Variants in DOCK4 observed in about 807,000 individuals in gnomAD.
The protein encoded by DOCK4 is dedicator of cytokinesis 4.
A neutral mutation model predicts 268.1 loss-of-function variants in DOCK4; 97 were observed. That is an observed-to-expected ratio of 0.36 (90% CI 0.31 to 0.43). DOCK4 has a LOEUF of 0.43. Among genes scored for constraint, DOCK4 ranks in the 20% least tolerant of loss-of-function variants. The probability of loss-of-function intolerance (pLI) is 1.00; values close to 1 mark genes in which losing one functional copy is unlikely to be tolerated. For synonymous variants in DOCK4, 954 were observed against 887.2 expected (o/e 1.08, Z -1.34); for missense variants, 2,145 against 2,455.7 (o/e 0.87, Z 2.67).
At chr7:112,193,144 G>C (rs1225145780) in intron 1 of DOCK4, among the ~76,000 whole-genome samples, 1 of 152,062 alleles carries the variant, frequency 6.6e-6, no homozygotes, top group African/African-American at 2.4e-5. Context: ...AAAAACTGTA[G>C]CAAAAAGAAA....
intron 25 of DOCK4, among the ~76,000 whole-genome samples, chr7:111,836,411 C>A (rs553481810): frequency 6.6e-6 from 1 of 152,000 alleles, no homozygotes; most frequent in South Asian, 2.1e-4. Context: ...TAGCAAAGCT[C>A]AGATATTTTT....
chr7:112,172,129 G>T (rs1437398222), intron 1 of DOCK4, among the ~76,000 whole-genome samples: 1 of 152,156 alleles, frequency 6.6e-6, no homozygotes, highest in East Asian at 1.9e-4. Context: ...TGAATTAGGG[G>T]TGAAGAGACA....
intron 26 of DOCK4, among the ~76,000 whole-genome samples, chr7:111,825,109 G>T (rs1802294318): frequency 6.6e-6 from 1 of 151,998 alleles, no homozygotes; most frequent in Non-Finnish European, 1.5e-5. Flanking sequence ...AAATGTGGGG[G>T]CTTTGAGGTC....
At chr7:111,974,492 ATGTGTGTGTGTGTGTGTGTGTGTGTG>A (rs59409689) in intron 8 of DOCK4, among the ~76,000 whole-genome samples, 9 of 84,386 alleles carry the variant, frequency 1.1e-4, no homozygotes, top group Admixed American at 8.8e-4. Context: ...TTGAAGAGGG[ATGTGTGTGTGTGTGTGTGTGTGTGTG>A]TGTGTGTGTG....
rs868654418 is a variant in DOCK4, at chr7:111,933,296, A to T, written c.1066+2244T>A. On this transcript the variant is annotated intron_variant, in intron 12 of 52. Coordinates refer to ENST00000428084, the MANE Select transcript of DOCK4 (RefSeq NM_001363540.2). ...CATATATACATATATATATATATAT[A>T]TATTTTTTTTTTTTTTTGAGATGGA... 8.1e-3 allele frequency among the ~76,000 whole-genome samples: 874 copies of T among 108,356 alleles called. 41 individuals are homozygous for T. Among genetic ancestry groups the T allele is most frequent in the African/African-American group, 0.018 (425 of 24,242 alleles). The allele number at this position is 108,356 out of a possible 152,430, so 71.1% of individuals were successfully genotyped here. A position where few individuals can be genotyped will look rare whatever the true frequency, so the allele number is the denominator to read the frequency against.
chr7:111,797,976 G>A (rs1393133633), intron 30 of DOCK4, among the ~76,000 whole-genome samples: 1 of 152,144 alleles, frequency 6.6e-6, no homozygotes, highest in Non-Finnish European at 1.5e-5. Context: ...TGACCACTTT[G>A]GTCTTTTATA....
At chr7:111,811,796 GAA>G (rs1192780599) in intron 28 of DOCK4, 76 bp downstream of exon 28, 6 of 883,758 alleles carry the variant, frequency 6.8e-6, no homozygotes, top group Non-Finnish European at 8.9e-6. Flanking sequence ...TACGGCCCAA[GAA>G]AATGTTAGGT....
At chr7:112,036,124 C>A (rs10248525) in intron 1 of DOCK4, among the ~76,000 whole-genome samples, 1 of 151,998 alleles carries the variant, frequency 6.6e-6, no homozygotes, top group Non-Finnish European at 1.5e-5. Context: ...TTAAATCCAG[C>A]TAATCTGCAA....
At chr7:111,752,769 G>GT (rs1796756797) in intron 42 of DOCK4, among the ~76,000 whole-genome samples, 1 of 151,530 alleles carries the variant, frequency 6.6e-6, no homozygotes, top group Admixed American at 6.6e-5. Context: ...TGTATTTTTA[G>GT]TACAGACGGG....
chr7:111,786,205 A>G (rs967380127), intron 32 of DOCK4, among the ~76,000 whole-genome samples: 3 of 152,214 alleles, frequency 2.0e-5, no homozygotes, highest in Admixed American at 2.0e-4. Context: ...GAGAAGGCAG[A>G]GCGAAAGACT....
chr7:111,818,870 T>C (rs911571731), intron 27 of DOCK4, among the ~76,000 whole-genome samples: 1 of 152,228 alleles, frequency 6.6e-6, no homozygotes, highest in African/African-American at 2.4e-5. Flanking sequence ...AGCTTTCAGT[T>C]CAAGCTTCAC....
chr7:111,952,141 C>A (rs1796105821), intron 8 of DOCK4, among the ~76,000 whole-genome samples: 1 of 151,232 alleles, frequency 6.6e-6, no homozygotes, highest in Admixed American at 6.6e-5. Context: ...AACAAAACTG[C>A]ATGAAGCCAA....
At position 111,782,878 on chromosome 7, in the gene DOCK4, T is replaced by C. The variant is rs1279674755; in HGVS notation, c.3571A>G (p.Thr1191Ala). The change falls in exon 35 of 53, where the codon ACA becomes GCA. Residue 1191 changes from threonine to alanine, a missense_variant. Thr to Ala is a moderately conservative substitution (Grantham distance 58). Coordinates refer to ENST00000428084, the MANE Select transcript of DOCK4 (RefSeq NM_001363540.2). Reference sequence around the variant, plus strand: ...AGTTTACTAACCAGAAGGCTAACTGTGCAGCCAATCTTTTTGCCATCTACC... The same window carrying C: ...AGTTTACTAACCAGAAGGCTAACTGCGCAGCCAATCTTTTTGCCATCTACC... ...GEVDGKKIGC[T>A]VSLLNFYKTE... 2 of 1,613,696 alleles carry C rather than the reference T, an allele frequency of 1.2e-6. No homozygotes were observed. The highest frequency in any genetic ancestry group is 1.7e-5 in the Admixed American group (1 of 60,008).
intron 1 of DOCK4, among the ~76,000 whole-genome samples, chr7:112,103,857 G>A (rs1435049970): frequency 6.6e-6 from 1 of 152,120 alleles, no homozygotes; most frequent in Admixed American, 6.5e-5. Flanking sequence ...ACTCCAGCCT[G>A]GGCGACAGAG....
At chr7:111,798,053 C>T in intron 30 of DOCK4, among the ~76,000 whole-genome samples, 1 of 152,224 alleles carries the variant, frequency 6.6e-6, no homozygotes, top group African/African-American at 2.4e-5. Context: ...GCTCTAGCAG[C>T]AGCTTTGCAG....
At chr7:111,793,133 G>A (rs1799665413) in intron 30 of DOCK4, among the ~76,000 whole-genome samples, 1 of 152,196 alleles carries the variant, frequency 6.6e-6, no homozygotes, top group African/African-American at 2.4e-5. Context: ...TATCCTCAGA[G>A]TATGAGCATT....
intron 52 of DOCK4, among the ~76,000 whole-genome samples, chr7:111,731,022 G>C (rs1349897752): frequency 6.6e-6 from 1 of 152,170 alleles, no homozygotes; most frequent in African/African-American, 2.4e-5. Context: ...CTCTGTGTGA[G>C]TAAGGGCAAA....
chr7:112,067,264 TTCCTACTCCTAGATTTGAACTG>T (rs1807166762), intron 1 of DOCK4, among the ~76,000 whole-genome samples: 1 of 146,946 alleles, frequency 6.8e-6, no homozygotes, highest in African/African-American at 2.5e-5. Flanking sequence ...AAAAAGATGG[TTCCTACTCCTAGATTTGAACTG>T]GCTACTGCCA....
At chr7:111,738,758 C>T (rs981934194) in intron 49 of DOCK4, among the ~76,000 whole-genome samples, 11 of 152,062 alleles carry the variant, frequency 7.2e-5, no homozygotes, top group Non-Finnish European at 1.6e-4. Context: ...GCCAACATGG[C>T]AAAACCCCAT....
Sources: allele counts gnomAD v4.1 joint callset (sites outside exome capture counted in the v4.1 genomes callset), GRCh38; gene constraint gnomAD v4.1.1; transcripts MANE v1.5; gene names NCBI Gene and HGNC (gene_info 2026-07-23, HGNC 2026-07-21).